The following ROR1 variants were observed in gnomAD, a reference collection of about 807,000 sequenced individuals.
The protein encoded by ROR1 is inactive tyrosine-protein kinase transmembrane receptor ROR1.
A neutral mutation model predicts 78.8 loss-of-function variants in ROR1; 19 were observed. That is an observed-to-expected ratio of 0.24 (90% confidence interval 0.17 to 0.35). The LOEUF is 0.35. ROR1 is among the 10% of genes least tolerant of loss of function. The pLI is 1.00. For missense variants in ROR1, 917 were observed against 1,177.8 expected (o/e 0.78, Z 3.24); for synonymous variants, 386 against 433.6 (o/e 0.89, Z 1.36).
intron 1 of ROR1, among the ~76,000 whole-genome samples, chr1:63,852,428 A>G (rs1226881245): frequency 6.6e-6 from 1 of 152,176 alleles, no homozygotes; most frequent in African/African-American, 2.4e-5. Flanking sequence ...AGCCTTTCTG[A>G]TCTTCAAAGA....
intron 1 of ROR1, among the ~76,000 whole-genome samples, chr1:64,008,207 C>T (rs1056961843): frequency 6.6e-5 from 10 of 152,280 alleles, no homozygotes; most frequent in African/African-American, 2.2e-4. Flanking sequence ...TAAGTGAGAA[C>T]ACATGATATT....
At chr1:63,991,695 A>G (rs774669696) in intron 1 of ROR1, among the ~76,000 whole-genome samples, 2 of 152,174 alleles carry the variant, frequency 1.3e-5, no homozygotes, top group Non-Finnish European at 1.5e-5. Flanking sequence ...ATTATTTGTG[A>G]TCTGCCACCT....
intron 4 of ROR1, among the ~76,000 whole-genome samples, chr1:64,081,483 G>A (rs1251339918): frequency 1.3e-5 from 2 of 151,988 alleles, no homozygotes. Context: ...CTAATGTCAA[G>A]AATAAGAAGC....
rs568125095 is a variant in ROR1 at position 64,020,305 on chromosome 1, GT to G, written c.163+10931del. The stretch of plus-strand genomic sequence containing the variant: ...CCCATGTTCTTAATCAATATATTAT[GT>G]TGCCTTTAAGCTGAATTGAACTTTG... On this transcript the variant is annotated intron_variant, in intron 2 of 8. Coordinates refer to ENST00000371079, the MANE Select transcript of ROR1 (RefSeq NM_005012.4). Among the ~76,000 whole-genome samples, 411 of 152,314 alleles carry G rather than the reference GT, an allele frequency of 2.7e-3. 1 individual carries two copies. Among genetic ancestry groups the G allele is most frequent in the African/African-American group, 9.4e-3 (389 of 41,552 alleles).
chr1:64,135,089 G>T (rs771487504), intron 4 of ROR1, among the ~76,000 whole-genome samples: 81 of 152,078 alleles, frequency 5.3e-4, no homozygotes, highest in African/African-American at 1.8e-3. Flanking sequence ...TGGTTTTGGG[G>T]TTTTTTTGTG....
chr1:63,812,559 T>G (rs1358199914), intron 1 of ROR1, among the ~76,000 whole-genome samples: 1 of 152,138 alleles, frequency 6.6e-6, no homozygotes, highest in Non-Finnish European at 1.5e-5. Context: ...GTCAGGAAAT[T>G]GGAATTTGTT....
At chr1:63,902,439 T>A (rs1196466604) in intron 1 of ROR1, among the ~76,000 whole-genome samples, 1 of 151,582 alleles carries the variant, frequency 6.6e-6, no homozygotes, top group Non-Finnish European at 1.5e-5. Context: ...CACCTCAGCC[T>A]CCTGAATAGT....
intron 1 of ROR1, among the ~76,000 whole-genome samples, chr1:63,984,646 C>T (rs75562826): frequency 2.0e-5 from 3 of 152,144 alleles, no homozygotes; most frequent in South Asian, 2.1e-4. Flanking sequence ...TTTAAGGGCT[C>T]GTGCAGCCTT....
chr1:63,829,187 C>A (rs562909330), intron 1 of ROR1, among the ~76,000 whole-genome samples: 15 of 152,254 alleles, frequency 9.9e-5, no homozygotes, highest in African/African-American at 3.6e-4. Context: ...TCCCTTGGAT[C>A]CTTTGTTTGA....
intron 4 of ROR1, chr1:64,106,930 A>G (rs1297674774): frequency 1.3e-5 from 2 of 152,406 alleles, no homozygotes; most frequent in East Asian, 1.9e-4. Flanking sequence ...ATGCACGTCA[A>G]AGGTCTAGAA....
intron 1 of ROR1, among the ~76,000 whole-genome samples, chr1:63,900,235 C>T (rs540441091): frequency 7.2e-5 from 11 of 152,230 alleles, no homozygotes; most frequent in African/African-American, 2.2e-4. Flanking sequence ...GGGCAGATCA[C>T]CTGAGGTCAG....
intron 1 of ROR1, chr1:63,788,742 C>T: frequency 2.2e-6 from 1 of 453,682 alleles, no homozygotes; most frequent in Non-Finnish European, 4.3e-6. Context: ...CCTCCTTGGA[C>T]AAGGTCTTGA....
At chr1:63,780,768 A>G (rs1644647287) in intron 1 of ROR1, among the ~76,000 whole-genome samples, 2 of 152,214 alleles carry the variant, frequency 1.3e-5, no homozygotes, top group Admixed American at 1.3e-4. Flanking sequence ...CCTTAAAACA[A>G]AGGCTTTTTT....
chr1:63,820,590 T>G (rs1371787059), intron 1 of ROR1, among the ~76,000 whole-genome samples: 1 of 152,198 alleles, frequency 6.6e-6, no homozygotes, highest in Admixed American at 6.5e-5. Flanking sequence ...GATTCAGGTT[T>G]GATGTGAATT....
chr1:64,063,606 T>C (rs981698596), intron 4 of ROR1, among the ~76,000 whole-genome samples: 1 of 150,764 alleles, frequency 6.6e-6, no homozygotes, highest in South Asian at 2.1e-4. Flanking sequence ...TCTGTTGCTG[T>C]CCTCTCTATG....
At chr1:63,998,060 A>G (rs957798571) in intron 1 of ROR1, among the ~76,000 whole-genome samples, 5 of 152,114 alleles carry the variant, frequency 3.3e-5, no homozygotes, top group Non-Finnish European at 7.4e-5. Context: ...TGTTTGAACA[A>G]CACAAAGCTG....
chr1:63,920,112 C>T (rs2100427961), intron 1 of ROR1, among the ~76,000 whole-genome samples: 1 of 152,276 alleles, frequency 6.6e-6, no homozygotes, highest in East Asian at 1.9e-4. Flanking sequence ...CCATAAATGC[C>T]AAGACCCTGT....
rs1004773659 is a variant in ROR1 at position 64,057,929 on chromosome 1, G to A, written c.482+7213G>A. On this transcript the variant is annotated intron_variant, in intron 4 of 8. Coordinates refer to ENST00000371079, the MANE Select transcript of ROR1 (RefSeq NM_005012.4). Reference sequence around the variant, plus strand: ...TGGCATTAAATCTGTAGATTAATTTGGGGAGTACTGCTGTCTCAACAGTAT... The same window carrying A: ...TGGCATTAAATCTGTAGATTAATTTAGGGAGTACTGCTGTCTCAACAGTAT... Among the ~76,000 whole-genome samples, 16 of 152,140 alleles carry A rather than the reference G, an allele frequency of 1.1e-4. 1 individual carries two copies. The highest frequency in any genetic ancestry group is 1.5e-4 in the Non-Finnish European group (10 of 68,024).
At chr1:63,846,905 C>T (rs1645085000) in intron 1 of ROR1, among the ~76,000 whole-genome samples, 1 of 152,216 alleles carries the variant, frequency 6.6e-6, no homozygotes, top group South Asian at 2.1e-4. Flanking sequence ...AGGCCCAGGA[C>T]AGCGGCCTTG....
Sources: allele counts gnomAD v4.1 joint callset (sites outside exome capture counted in the v4.1 genomes callset), GRCh38; gene constraint gnomAD v4.1.1; transcripts MANE v1.5; gene names NCBI Gene and HGNC (gene_info 2026-07-23, HGNC 2026-07-21).